The following NAV2 variants were observed in gnomAD, a reference collection of about 807,000 sequenced individuals.
NAV2 encodes the protein neuron navigator 2, also known as helicase, APC down-regulated 1.
In NAV2, 54 loss-of-function variants were observed where a neutral mutation model predicts 223.2. That is an observed-to-expected ratio of 0.24 (90% CI 0.19 to 0.30). The LOEUF (loss-of-function observed/expected upper bound fraction) is 0.30. Ranked by LOEUF, NAV2 falls within the 10% of genes least tolerant of loss-of-function variation. The pLI, the probability that NAV2 is intolerant of heterozygous loss-of-function variation, is 1.00. For missense variants in NAV2, 2,806 were observed against 3,147.5 expected (o/e 0.89, Z 2.60); for synonymous variants, 1,279 against 1,239.3 (o/e 1.03, Z -0.67).
intron 1 of NAV2, among the ~76,000 whole-genome samples, chr11:19,624,207 C>T (rs1343126491): frequency 6.6e-6 from 1 of 152,196 alleles, no homozygotes; most frequent in South Asian, 2.1e-4. Context: ...TTAGGCTACT[C>T]GGGGGTCAGG....
chr11:19,556,079 C>T (rs2044878818), intron 1 of NAV2, among the ~76,000 whole-genome samples: 2 of 152,204 alleles, frequency 1.3e-5, no homozygotes, highest in Non-Finnish European at 2.9e-5. Context: ...CATGTGCTTG[C>T]AGCTCCCCGG....
intron 1 of NAV2, among the ~76,000 whole-genome samples, chr11:19,429,970 A>C (rs1168796350): frequency 2.0e-5 from 3 of 152,224 alleles, no homozygotes; most frequent in Non-Finnish European, 4.4e-5. Context: ...TTGAGTAATT[A>C]GAAAGTCTAG....
At chr11:19,829,950 G>T (rs1273961891) in intron 1 of NAV2, among the ~76,000 whole-genome samples, 2 of 152,196 alleles carry the variant, frequency 1.3e-5, no homozygotes, top group Non-Finnish European at 2.9e-5. Flanking sequence ...TCTGGGACCG[G>T]GTGCGGTGGC....
At position 19,698,393 on chromosome 11, in the gene NAV2, G is replaced by A. The variant is rs143741198; in HGVS notation, c.76-134091G>A. Among the ~76,000 whole-genome samples the A allele has an allele frequency of 1.5e-3, 227 of 152,306 alleles. 2 individuals are homozygous for A. The highest frequency in any genetic ancestry group is 5.1e-3 in the African/African-American group (213 of 41,550). On this transcript the variant is annotated intron_variant, in intron 1 of 37. Transcript: ENST00000360655. ...TGCCATTACTGAATTCTAGATCCCC[G>A]TGGGCCCAGAGAGCCCTGGTGGAGA...
At chr11:20,030,292 A>G (rs1242188672) in intron 11 of NAV2, among the ~76,000 whole-genome samples, 1 of 152,220 alleles carries the variant, frequency 6.6e-6, no homozygotes, top group Non-Finnish European at 1.5e-5. Context: ...TCATATAAAA[A>G]TCATTGATTC....
intron 3 of NAV2, among the ~76,000 whole-genome samples, chr11:19,858,192 T>G (rs2061498643): frequency 6.6e-6 from 1 of 152,228 alleles, no homozygotes; most frequent in African/African-American, 2.4e-5. Flanking sequence ...GTTGATGCCT[T>G]TTGGCTACCA....
Position 20,045,603 on chromosome 11 carries a change from A to C in NAV2, c.3835A>C (p.Ser1279Arg). 1 of 1,614,258 alleles carries C rather than the reference A, an allele frequency of 6.2e-7. No individual in the cohort carries two copies. The highest frequency in any genetic ancestry group is 8.5e-7 in the Non-Finnish European group (1 of 1,180,038). ...GAATCCGGCAGCCCAGCCTGTGTCCAGTCCGGCTCAGACCAGTCTCCAGCC... is the reference window on the plus strand; with the variant it reads ...GAATCCGGCAGCCCAGCCTGTGTCCCGTCCGGCTCAGACCAGTCTCCAGCC... ...KVNPAAQPVS[S>R]PAQTSLQPGA... The change falls in exon 14 of 38, where the codon AGT (serine) becomes CGT (arginine). Residue 1279 changes from serine (S) to arginine (R), a missense_variant. Physicochemically the swap from Ser to Arg is moderately radical, Grantham distance 110 (BLOSUM62 -1). Coordinates refer to ENST00000349880, the MANE Select transcript of NAV2 (RefSeq NM_145117.5).
intron 1 of NAV2, among the ~76,000 whole-genome samples, chr11:19,697,725 G>A (rs1358293375): frequency 6.6e-6 from 1 of 152,116 alleles, no homozygotes; most frequent in Non-Finnish European, 1.5e-5. Context: ...TTTGCTGGGA[G>A]GGGCTTAGCA....
At chr11:19,628,376 A>G (rs1272309352) in intron 1 of NAV2, among the ~76,000 whole-genome samples, 1 of 152,214 alleles carries the variant, frequency 6.6e-6, no homozygotes, top group East Asian at 1.9e-4. Flanking sequence ...CCCTGTGAGG[A>G]GGAAGACACC....
At chr11:19,527,972 A>ACACACACACACACACTCACAC (rs1565018537) in intron 1 of NAV2, among the ~76,000 whole-genome samples, 1 of 150,594 alleles carries the variant, frequency 6.6e-6, no homozygotes, top group African/African-American at 2.4e-5. Context: ...ACACACACAC[A>ACACACACACACACACTCACAC]ATCCTGGGAA....
At position 19,817,782 on chromosome 11, in the gene NAV2, T is replaced by A. The variant is rs541157603; in HGVS notation, c.268-14702T>A. 2.6e-5 allele frequency among the ~76,000 whole-genome samples: 4 copies of A among 152,146 alleles called. No individual in the cohort carries two copies. In the East Asian group the frequency reaches 7.7e-4, roughly 29 times the overall value. On this transcript the variant is annotated intron_variant, in intron 1 of 37. Coordinates refer to ENST00000349880, the MANE Select transcript of NAV2 (RefSeq NM_145117.5). ...GCCGGGTCACTCTCTTAATGGGGAG[T>A]AACTGAACCTTGGCTCCAGCTCACT... is the stretch of plus-strand genomic sequence containing the variant.
chr11:19,493,867 C>T (rs1287254430), intron 1 of NAV2, among the ~76,000 whole-genome samples: 1 of 152,228 alleles, frequency 6.6e-6, no homozygotes, highest in African/African-American at 2.4e-5. Flanking sequence ...AAATTATTTT[C>T]CCTCCTTAAA....
chr11:19,702,168 T>C (rs1565179464), intron 1 of NAV2, among the ~76,000 whole-genome samples: 2 of 152,334 alleles, frequency 1.3e-5, no homozygotes, highest in East Asian at 3.9e-4. Flanking sequence ...GGGGTGGTCT[T>C]GGCACTTCTG....
At chr11:19,692,977 G>C (rs923881965) in intron 1 of NAV2, among the ~76,000 whole-genome samples, 1 of 152,238 alleles carries the variant, frequency 6.6e-6, no homozygotes, top group Non-Finnish European at 1.5e-5. Flanking sequence ...ATCAGGACAG[G>C]TTTTGCTGCC....
At chr11:19,595,314 C>T (rs1046751799) in intron 1 of NAV2, among the ~76,000 whole-genome samples, 1 of 152,162 alleles carries the variant, frequency 6.6e-6, no homozygotes, top group African/African-American at 2.4e-5. Flanking sequence ...TTGGCACATA[C>T]AAGGAACTGA....
chr11:19,566,959 G>A (rs774109123), intron 1 of NAV2, among the ~76,000 whole-genome samples: 1 of 152,106 alleles, frequency 6.6e-6, no homozygotes, highest in African/African-American at 2.4e-5. Context: ...TATGAAAAAG[G>A]TCTACACTTT....
chr11:19,734,375 G>C (rs2052080648), intron 1 of NAV2, among the ~76,000 whole-genome samples: 1 of 152,196 alleles, frequency 6.6e-6, no homozygotes, highest in Non-Finnish European at 1.5e-5. Context: ...TTCAGTGCAA[G>C]GGGAATTGCT....
chr11:20,053,944 C>T (rs1273507931), intron 17 of NAV2, 136 bp from the exon 18 acceptor site: 36 of 893,750 alleles, frequency 4.0e-5, no homozygotes, highest in Non-Finnish European at 5.0e-5. Flanking sequence ...AGTTTCAGGA[C>T]GTGTAGTGAT....
intron 1 of NAV2, among the ~76,000 whole-genome samples, chr11:19,647,795 G>A (rs2047859221): frequency 6.6e-6 from 1 of 152,186 alleles, no homozygotes; most frequent in African/African-American, 2.4e-5. Flanking sequence ...GGGCAAGAGG[G>A]CAGAGGTTCT....
Sources: allele counts gnomAD v4.1 joint callset (sites outside exome capture counted in the v4.1 genomes callset), GRCh38; gene constraint gnomAD v4.1.1; transcripts MANE v1.5; gene names NCBI Gene and HGNC (gene_info 2026-07-23, HGNC 2026-07-21).